Variants in FGFRL1 observed in about 807,000 individuals in gnomAD.
FGFRL1 encodes fibroblast growth factor receptor-like 1.
A neutral mutation model predicts 36.8 loss-of-function variants in FGFRL1; 24 were observed. The observed-to-expected ratio is 0.65, with a 90% CI of 0.47 to 0.92. The LOEUF is 0.92. FGFRL1 is among the 40% of genes least tolerant of loss of function. FGFRL1 has a pLI of 0.00. For synonymous variants in FGFRL1, 422 were observed against 344.1 expected (o/e 1.23, Z -2.50); for missense variants, 785 against 753.4 (o/e 1.04, Z -0.49).
chr4:1,021,955 C>A (rs966570158), intron 2 of FGFRL1, among the ~76,000 whole-genome samples: 2 of 152,248 alleles, frequency 1.3e-5, no homozygotes, highest in African/African-American at 2.4e-5. Flanking sequence ...GGCCACGGGG[C>A]TGCCCCGGCC....
chr4:1,019,180 GGCTGGGAAACCTTCCCGAAGTGTA>G (rs1275589519), intron 2 of FGFRL1, among the ~76,000 whole-genome samples: 2 of 152,246 alleles, frequency 1.3e-5, no homozygotes, highest in Non-Finnish European at 2.9e-5. Context: ...GCAGGGTGGG[GGCTGGGAAACCTTCCCGAAGTGTA>G]GCTGGGGCTT....
chr4:1,021,443 C>G (rs925001790), intron 2 of FGFRL1, among the ~76,000 whole-genome samples: 6 of 152,242 alleles, frequency 3.9e-5, no homozygotes, highest in African/African-American at 1.2e-4. Flanking sequence ...GAGGCTTGCT[C>G]TCTGACCCCA....
intron 6 of FGFRL1, 105 bp downstream of exon 6, chr4:1,024,769 G>T: frequency 1.4e-6 from 2 of 1,403,196 alleles, no homozygotes; most frequent in Non-Finnish European, 1.9e-6. Context: ...CTCCCGGGCC[G>T]TGCTGGCCAG....
chr4:1,017,700 G>T (rs967233117), intron 2 of FGFRL1, among the ~76,000 whole-genome samples: 1 of 152,210 alleles, frequency 6.6e-6, no homozygotes, highest in Admixed American at 6.5e-5. Flanking sequence ...CAACAGAGGG[G>T]TCATGACGCT....
chr4:1,025,064 C>G lies in FGFRL1; in HGVS notation c.1232C>G (p.Ala411Gly). The G allele has an allele frequency of 6.2e-7, 1 of 1,609,776 alleles. No individual in the cohort carries two copies. The highest frequency in any genetic ancestry group is 1.3e-5 in the African/African-American group (1 of 74,960). The change falls in exon 7 of 7, where the codon GCC (alanine) becomes GGC (glycine). Residue 411 changes from alanine (A) to glycine (G), a missense_variant. Coordinates refer to ENST00000510644, the MANE Select transcript of FGFRL1 (RefSeq NM_001004356.3). ...AQKKPCTPAP[A>G]PPLPGHRPPG... Reference sequence around the variant, plus strand: ...AAGAAGCCGTGCACCCCCGCGCCTGCCCCTCCCCTGCCTGGGCACCGCCCG... The same window carrying G: ...AAGAAGCCGTGCACCCCCGCGCCTGGCCCTCCCCTGCCTGGGCACCGCCCG...
In FGFRL1 at chr4:1,024,411, C is replaced by G. The variant is rs751514315; in HGVS notation, c.819C>G (p.Asp273Glu). 6.2e-7 allele frequency: 1 copy of G among 1,612,626 alleles called. No individual in the cohort carries two copies. The highest frequency in any genetic ancestry group is 1.3e-5 in the African/African-American group (1 of 75,046). Residue 273 changes from aspartate to glutamate, a missense_variant, in exon 6 of 7, where the codon GAC becomes GAG. Transcript: ENST00000510644. ...TTSFQCKVRS[D>E]VKPVIQWLKR... ...CCTTCCAGTGCAAGGTGCGCAGCGACGTGAAGCCGGTGATCCAGTGGCTGA... is the reference window on the plus strand; with the variant it reads ...CCTTCCAGTGCAAGGTGCGCAGCGAGGTGAAGCCGGTGATCCAGTGGCTGA...
At position 1,023,466 on chromosome 4, in the gene FGFRL1, C is replaced by G. The variant is rs1716306831; in HGVS notation, c.353-175C>G. 6.6e-6 allele frequency among the ~76,000 whole-genome samples: 1 copy of G among 152,280 alleles called. No homozygotes were observed. The highest frequency in any genetic ancestry group is 2.4e-5 in the African/African-American group (1 of 41,566). ...ACCTGCGCCCAGTGTGGGCCAGCGG[C>G]CCTTGCCCAGCTGTCCCTGGGATTC... On this transcript the variant is annotated intron_variant, in intron 3 of 6. Coordinates refer to ENST00000510644, the MANE Select transcript of FGFRL1 (RefSeq NM_001004356.3). This position sits in a 1 kb window ranked among gnomAD's most constrained non-coding sequence, Gnocchi z 6.0.
Position 1,023,686 on chromosome 4 carries a change from C to A in FGFRL1, c.398C>A (p.Ser133Tyr), listed in dbSNP as rs1202967388. 4 of 1,581,932 alleles carry A rather than the reference C, an allele frequency of 2.5e-6. No individual in the cohort carries two copies. The highest frequency in any genetic ancestry group is 3.4e-5 in the Admixed American group (2 of 58,012). ...GKESLGPDSS[S>Y]GGQEDPASQQ... ...GAGAGCCTGGGGCCCGACAGCTCCT[C>A]TGGGGGTCAAGAGGACCCCGCCAGC... The change falls in exon 4 of 7, where the codon TCT becomes TAT. Residue 133 changes from serine to tyrosine, a missense_variant. Physicochemically the swap from Ser to Tyr is moderately radical, Grantham distance 144. Transcript: ENST00000510644. The surrounding 1 kb of genome is among the most constrained non-coding windows in gnomAD (Gnocchi z 6.0).
chr4:1,026,562 A>G lies in FGFRL1; in HGVS notation c.*1215A>G, dbSNP rs778080073. On this transcript the variant is annotated 3_prime_UTR_variant, in exon 7 of 7. Coordinates refer to ENST00000510644, the MANE Select transcript of FGFRL1 (RefSeq NM_001004356.3). ...TGGGGTTGGGGGCACAGCAGCCCCA[A>G]GCCTGAGAGGCTGGAGCCCATGGCT... 104 of 221,044 alleles carry G rather than the reference A, an allele frequency of 4.7e-4. No individual in the cohort carries two copies. Among genetic ancestry groups the G allele is most frequent in the Non-Finnish European group, 8.4e-4 (93 of 110,666 alleles). The allele number at this position is 221,044 out of a possible 1,614,324, so 13.7% of individuals were successfully genotyped here. A position where few individuals can be genotyped will look rare whatever the true frequency, so the allele number is the denominator to read the frequency against.
Position 1,026,769 on chromosome 4 carries a change from A to C in FGFRL1, c.*1422A>C, listed in dbSNP as rs1397604853. 1 of 445,766 alleles carries C rather than the reference A, an allele frequency of 2.2e-6. No individual in the cohort carries two copies. Among genetic ancestry groups the C allele is most frequent in the Non-Finnish European group, 4.5e-6 (1 of 221,772 alleles). The allele number at this position is 445,766 out of a possible 1,614,324, so 27.6% of individuals were successfully genotyped here. A position where few individuals can be genotyped will look rare whatever the true frequency, so the allele number is the denominator to read the frequency against. ...CCATGCTGATGACCACACCCCGTCC[A>C]GGCCAGACACCACCCCCCACCCCAC... is the stretch of plus-strand genomic sequence containing the variant. On this transcript the variant is annotated 3_prime_UTR_variant, in exon 7 of 7. Coordinates refer to ENST00000510644, the MANE Select transcript of FGFRL1 (RefSeq NM_001004356.3).
At position 1,011,666 on chromosome 4, in the gene FGFRL1, C is replaced by T. The variant is rs1162072969; in HGVS notation, c.-305C>T. On this transcript the variant is annotated 5_prime_UTR_variant, in exon 1 of 7. Transcript: ENST00000510644. ...CCGCAGGGAAGGACGCCTCGCGGCGCGGCGCCCCGGGCCCCTCGCCCCGCC... is the reference window on the plus strand; with the variant it reads ...CCGCAGGGAAGGACGCCTCGCGGCGTGGCGCCCCGGGCCCCTCGCCCCGCC... Among the ~76,000 whole-genome samples, 1 of 135,924 alleles carries T rather than the reference C, an allele frequency of 7.4e-6. No homozygotes were observed. The highest frequency in any genetic ancestry group is 1.6e-5 in the Non-Finnish European group (1 of 62,102). The allele number at this position is 135,924 out of a possible 152,430, so 89.2% of individuals were successfully genotyped here. A position where few individuals can be genotyped will look rare whatever the true frequency, so the allele number is the denominator to read the frequency against.
At chr4:1,020,553 G>C (rs1199197544) in intron 2 of FGFRL1, among the ~76,000 whole-genome samples, 4 of 149,740 alleles carry the variant, frequency 2.7e-5, no homozygotes, top group African/African-American at 9.9e-5. Context: ...ACTGGGGCTG[G>C]TCACACACAC....
chr4:1,025,799 GCACAGATATGCTGCCTGGACA>G lies in FGFRL1; in HGVS notation c.*461_*481del, dbSNP rs1560567159. ...AGATATGGTATCCGGACACACACGT[GCACAGATATGCTGCCTGGACA>G]CACAGATAATGCTGCCTTGACACAC... On this transcript the variant is annotated 3_prime_UTR_variant, in exon 7 of 7. Transcript: ENST00000510644. 4.7e-6 allele frequency: 1 copy of G among 214,138 alleles called. No individual in the cohort carries two copies. Among genetic ancestry groups the G allele is most frequent in the Non-Finnish European group, 9.2e-6 (1 of 108,538 alleles). 13.3% of individuals were successfully genotyped at this position (214,138 alleles called of 1,614,324 possible). A position where few individuals can be genotyped will look rare whatever the true frequency, so the allele number is the denominator to read the frequency against.
At chr4:1,022,656 T>C (rs1443480549) in intron 3 of FGFRL1, among the ~76,000 whole-genome samples, 181 bp downstream of exon 3, 1 of 152,116 alleles carries the variant, frequency 6.6e-6, no homozygotes, top group Non-Finnish European at 1.5e-5. Flanking sequence ...CCAGGTATCC[T>C]GTCCCGTTCC....
intron 2 of FGFRL1, among the ~76,000 whole-genome samples, chr4:1,013,117 C>G (rs867589739): frequency 2.5e-4 from 38 of 152,354 alleles, no homozygotes; most frequent in Admixed American, 4.6e-4. Flanking sequence ...GTTGTGTGGA[C>G]AAGTCCCCAG....
At chr4:1,022,545 C>A in intron 3 of FGFRL1, 70 bp downstream of exon 3, 1 of 1,505,080 alleles carries the variant, frequency 6.6e-7, no homozygotes, top group Admixed American at 2.0e-5. Flanking sequence ...GGAGGGCGGA[C>A]GGGGACACAC....
rs1267124344 is a variant in FGFRL1, at chr4:1,025,572, G to GGCACACGTAC, written c.*232_*241dup. On this transcript the variant is annotated 3_prime_UTR_variant, in exon 7 of 7. Coordinates refer to ENST00000510644, the MANE Select transcript of FGFRL1 (RefSeq NM_001004356.3). The stretch of plus-strand genomic sequence containing the variant: ...CATGCGCGCACACGTGCTCCCTGAA[G>GGCACACGTAC]GCACACGTACGCACACACGCACATG... 1 of 622,226 alleles carries GGCACACGTAC rather than the reference G, an allele frequency of 1.6e-6. No homozygotes were observed. Among genetic ancestry groups the GGCACACGTAC allele is most frequent in the East Asian group, 2.8e-5 (1 of 35,504 alleles). 38.5% of individuals were successfully genotyped at this position (622,226 alleles called of 1,614,324 possible). A position where few individuals can be genotyped will look rare whatever the true frequency, so the allele number is the denominator to read the frequency against.
rs368961378 is a variant in FGFRL1, at chr4:1,024,938, C to T, written c.1106C>T (p.Ser369Leu). The T allele has an allele frequency of 1.2e-5, 20 of 1,602,126 alleles. No individual in the cohort carries two copies. Among genetic ancestry groups the T allele is most frequent in the East Asian group, 8.9e-5 (4 of 44,756 alleles). Residue 369 changes from serine (S) to leucine (L), a missense_variant, in exon 7 of 7, where the codon TCG becomes TTG. Physicochemically the swap from Ser to Leu is moderately radical, Grantham distance 145. Transcript: ENST00000510644. ...CCGCCAGGGCCACCTGTGGCCTCCT[C>T]GTCCTCGGCCACTAGCCTGCCGTGG... ...PKPPGPPVAS[S>L]SSATSLPWPV... is the part of the protein sequence containing the mutation.
At chr4:1,016,229 A>G (rs1213604809) in intron 2 of FGFRL1, among the ~76,000 whole-genome samples, 2 of 151,706 alleles carry the variant, frequency 1.3e-5, no homozygotes, top group African/African-American at 2.4e-5. Context: ...GGCTCAGGAA[A>G]TGTTCTTGTT....
Sources: allele counts gnomAD v4.1 joint callset (sites outside exome capture counted in the v4.1 genomes callset), GRCh38; gene constraint gnomAD v4.1.1; non-coding constraint Gnocchi (gnomAD v3.1); transcripts MANE v1.5; gene names NCBI Gene and HGNC (gene_info 2026-07-23, HGNC 2026-07-21).